Variants in ORC4 observed in about 807,000 individuals in gnomAD.
ORC4 encodes the protein origin recognition complex, subunit 4 homolog.
In ORC4, 55 loss-of-function variants were observed where a neutral mutation model predicts 63.9. The ratio of observed to expected loss-of-function variants is 0.86; its 90% CI spans 0.69 to 1.08. The LOEUF is 1.08. Ranked by LOEUF, ORC4 falls within the 50% of genes least tolerant of loss-of-function variation. The pLI, the probability that ORC4 is intolerant of heterozygous loss-of-function variation, is 0.00. For synonymous variants in ORC4, 150 were observed against 168.5 expected, an observed-to-expected ratio of 0.89 and a Z score of 0.85; for missense variants, 511 against 504.4, an observed-to-expected ratio of 1.01 and a Z score of -0.13.
chr2:147,935,741 A>T, intron 13 of ORC4, 43 bp from the exon 14 acceptor site: 1 of 1,517,108 alleles, frequency 6.6e-7, no homozygotes, highest in Non-Finnish European at 9.1e-7. Context: ...AGGAGAGGAG[A>T]GTGACAACTC....
chr2:147,950,764 C>CAA (rs70992182), intron 8 of ORC4, among the ~76,000 whole-genome samples: 150 of 111,422 alleles, frequency 1.3e-3, no homozygotes, highest in East Asian at 5.5e-3. Context: ...GACTCCATCT[C>CAA]AAAAAAAAAA....
chr2:147,961,481 G>T (rs187505441), intron 4 of ORC4, among the ~76,000 whole-genome samples: 1 of 150,830 alleles, frequency 6.6e-6, no homozygotes, highest in Admixed American at 6.6e-5. Flanking sequence ...TTATACTATC[G>T]AGAGTTATTG....
At chr2:147,961,415 C>A (rs546029828) in intron 4 of ORC4, among the ~76,000 whole-genome samples, 1 of 141,604 alleles carries the variant, frequency 7.1e-6, no homozygotes, top group Admixed American at 7.3e-5. Flanking sequence ...CCAGCCTGGG[C>A]AACAGAGTGA....
chr2:147,995,294 G>A (rs1046492320), intron 1 of ORC4, among the ~76,000 whole-genome samples: 2 of 152,062 alleles, frequency 1.3e-5, no homozygotes, highest in African/African-American at 2.4e-5. Context: ...GATTGTAAAT[G>A]CACCAATCAG....
chr2:148,001,147 C>A (rs982883811), intron 1 of ORC4, among the ~76,000 whole-genome samples: 2 of 152,028 alleles, frequency 1.3e-5, no homozygotes, highest in Non-Finnish European at 2.9e-5. Flanking sequence ...TTCGTTGCAC[C>A]ATGGTATCAA....
chr2:147,963,648 C>T (rs1689735044), intron 4 of ORC4, among the ~76,000 whole-genome samples: 1 of 152,150 alleles, frequency 6.6e-6, no homozygotes, highest in Admixed American at 6.5e-5. Flanking sequence ...GGCTAAGCAA[C>T]CACATGACTA....
At chr2:147,991,584 T>C (rs1691611177) in intron 1 of ORC4, among the ~76,000 whole-genome samples, 1 of 152,042 alleles carries the variant, frequency 6.6e-6, no homozygotes, top group Non-Finnish European at 1.5e-5. Flanking sequence ...ATCCCAGCAC[T>C]TTGGGAGGCT....
At chr2:148,009,483 A>G (rs1692822699) in intron 1 of ORC4, among the ~76,000 whole-genome samples, 1 of 152,164 alleles carries the variant, frequency 6.6e-6, no homozygotes, top group Admixed American at 6.5e-5. Flanking sequence ...GAAAGAAAAA[A>G]AGGTTATCAT....
intron 9 of ORC4, among the ~76,000 whole-genome samples, chr2:147,944,698 A>T (rs775657955): frequency 8.3e-4 from 60 of 71,898 alleles, no homozygotes; most frequent in Admixed American, 2.2e-3. Flanking sequence ...GGATTCTTTT[A>T]AAAAAAAAAA....
chr2:147,943,639 A>G (rs1220413567), intron 9 of ORC4, 117 bp from the exon 10 acceptor site: 1 of 657,154 alleles, frequency 1.5e-6, no homozygotes, highest in East Asian at 2.7e-5. Flanking sequence ...ATATTAATTC[A>G]TTATTAAATA....
At chr2:147,937,537 A>G (rs1474467563) in intron 13 of ORC4, among the ~76,000 whole-genome samples, 4 of 152,192 alleles carry the variant, frequency 2.6e-5, no homozygotes, top group African/African-American at 9.6e-5. Context: ...AATGTAAAAT[A>G]CCTTACTGTT....
chr2:147,970,603 G>C (rs1483042979), intron 4 of ORC4, among the ~76,000 whole-genome samples: 1 of 146,730 alleles, frequency 6.8e-6, no homozygotes, highest in Admixed American at 7.0e-5. Flanking sequence ...TCTCCAATTG[G>C]GCATTCATTT....
chr2:148,006,182 G>C (rs574222971), intron 1 of ORC4, among the ~76,000 whole-genome samples: 1 of 152,186 alleles, frequency 6.6e-6, no homozygotes, highest in Admixed American at 6.5e-5. Context: ...GAGAGAGAGC[G>C]AAAGTAAGTA....
chr2:147,935,712 GAAAT>G lies in ORC4; in HGVS notation c.1123-18_1123-15del, dbSNP rs780389370. On this transcript the variant is annotated splice_polypyrimidine_tract_variant and intron_variant, in intron 13 of 13. Coordinates refer to ENST00000392857, the MANE Select transcript of ORC4 (RefSeq NM_181741.4). ...GTGTTCAAAAGCCTGAAAGATGAAA[GAAAT>G]AGTTTAGGTTGAATAGGAGAGGAGA... 7 of 1,607,474 alleles carry G rather than the reference GAAAT, an allele frequency of 4.4e-6. No homozygotes were observed. Among genetic ancestry groups the G allele is most frequent in the Non-Finnish European group, 6.0e-6 (7 of 1,175,802 alleles).
chr2:147,993,220 C>T (rs1033162568), intron 1 of ORC4, among the ~76,000 whole-genome samples: 3 of 152,110 alleles, frequency 2.0e-5, no homozygotes, highest in African/African-American at 7.2e-5. Context: ...AAATCATATG[C>T]CCTTTCTCCT....
chr2:147,958,714 G>T (rs1241135410), intron 5 of ORC4, 77 bp downstream of exon 5: 1 of 755,688 alleles, frequency 1.3e-6, no homozygotes, highest in Non-Finnish European at 2.4e-6. Flanking sequence ...TATTAAAATG[G>T]ATTTGAAATA....
chr2:147,948,157 T>C lies in ORC4; in HGVS notation c.656A>G (p.Asn219Ser). Reference protein sequence around the residue: ...RFSHRQIHLMNSFGFPQYVKI... With the variant: ...RFSHRQIHLMSSFGFPQYVKI... ...AACATACTGTGGAAAACCAAATGAA[T>C]TCATTAAGTGTATCTGCCGGTGAGA... Residue 219 changes from asparagine (N) to serine (S), a missense_variant, in exon 9 of 14, where the codon AAT becomes AGT. Physicochemically the swap from Asn to Ser is conservative, Grantham distance 46 (BLOSUM62 1). Coordinates refer to ENST00000392857, the MANE Select transcript of ORC4 (RefSeq NM_181741.4). 1.2e-6 allele frequency: 2 copies of C among 1,610,616 alleles called. No individual in the cohort carries two copies. The highest frequency in any genetic ancestry group is 1.7e-6 in the Non-Finnish European group (2 of 1,177,274).
intron 10 of ORC4, among the ~76,000 whole-genome samples, chr2:147,941,204 T>C (rs1688344180): frequency 6.6e-6 from 1 of 152,126 alleles, no homozygotes; most frequent in Non-Finnish European, 1.5e-5. Context: ...TATATTTCTT[T>C]GTATATATCC....
At chr2:147,961,683 T>C (rs1042563482) in intron 4 of ORC4, among the ~76,000 whole-genome samples, 1 of 152,166 alleles carries the variant, frequency 6.6e-6, no homozygotes, top group Non-Finnish European at 1.5e-5. Context: ...CTCTTCCAGA[T>C]TCCACTATAG....
Sources: gnomAD v4.1 joint callset for allele counts (sites outside exome capture counted in the v4.1 genomes callset) on GRCh38, gnomAD v4.1.1 for gene constraint, MANE v1.5 for transcripts, NCBI Gene and HGNC (gene_info 2026-07-23, HGNC 2026-07-21) for gene names.